The following DZANK1 variants were observed in gnomAD, a reference collection of about 807,000 sequenced individuals.
The protein encoded by DZANK1 is double zinc ribbon and ankyrin repeat-containing protein 1.
DZANK1 carries 91 observed loss-of-function variants against 94.5 expected under a neutral mutation model. The ratio of observed to expected loss-of-function variants is 0.96; its 90% CI spans 0.81 to 1.15. The LOEUF is 1.15. Among genes scored for constraint, DZANK1 ranks in the 50% most tolerant of loss-of-function variants. DZANK1 has a pLI of 0.00. For missense variants in DZANK1, 903 were observed against 916.4 expected (o/e 0.99, Z 0.19); for synonymous variants, 312 against 325.3 (o/e 0.96, Z 0.44).
At position 18,389,966 on chromosome 20, in the gene DZANK1, A is replaced by G. The variant is rs1023617804; in HGVS notation, c.1891-138T>C. ...TGCTTTCAGATCAAAGGAGAGGAGA[A>G]TCAGGAACCTCAAGACCTGATCTAC... On this transcript the variant is annotated intron_variant, in intron 18 of 20. Coordinates refer to ENST00000262547, the Ensembl canonical transcript of DZANK1. 2.2e-6 allele frequency: 3 copies of G among 1,356,584 alleles called. No individual in the cohort carries two copies. In the African/African-American group the frequency reaches 4.4e-5, roughly 20 times the overall value. 84.0% of individuals were successfully genotyped at this position (1,356,584 alleles called of 1,614,324 possible).
At chr20:18,425,321 G>A (rs951194433) in intron 10 of DZANK1, among the ~76,000 whole-genome samples, 7 of 152,190 alleles carry the variant, frequency 4.6e-5, no homozygotes, top group Non-Finnish European at 1.0e-4. Flanking sequence ...GTGGGGCCGA[G>A]TTGGGCGGAT....
chr20:18,409,840 C>A (rs142013110), intron 13 of DZANK1, among the ~76,000 whole-genome samples: 2 of 151,898 alleles, frequency 1.3e-5, no homozygotes, highest in Non-Finnish European at 2.9e-5. Context: ...GAGGCCAAGG[C>A]GGGTGGATCA....
intron 6 of DZANK1, among the ~76,000 whole-genome samples, 157 bp from the exon 7 acceptor site, chr20:18,449,226 A>C (rs2059004631): frequency 6.6e-6 from 1 of 152,164 alleles, no homozygotes; most frequent in African/African-American, 2.4e-5. Context: ...AAAAGTGGGA[A>C]GGGTGGGAAA....
rs529337438 is a variant in DZANK1 at position 18,464,562 on chromosome 20, G to T, written c.109+688C>A. On this transcript the variant is annotated intron_variant, in intron 2 of 20. Transcript: ENST00000262547. ...GGTCACTAGAAGTTGTCAAGGCAGGGATTAAGTCTCCAACCTGTCTGACTG... is the reference window on the plus strand; with the variant it reads ...GGTCACTAGAAGTTGTCAAGGCAGGTATTAAGTCTCCAACCTGTCTGACTG... 8.6e-5 allele frequency among the ~76,000 whole-genome samples: 13 copies of T among 151,916 alleles called. No individual in the cohort carries two copies. The South Asian group carries it at 2.7e-3, about 32-fold the overall frequency.
chr20:18,450,865 A>G (rs746903430), intron 6 of DZANK1, among the ~76,000 whole-genome samples: 12 of 152,196 alleles, frequency 7.9e-5, no homozygotes, highest in Non-Finnish European at 1.8e-4. Context: ...AAAGCACTAT[A>G]ATAGTATAGT....
chr20:18,433,694 A>AG lies in DZANK1; in HGVS notation c.818dup (p.Leu274SerfsTer37). On this transcript the variant is annotated frameshift_variant, in exon 9 of 21. Coordinates refer to ENST00000262547, the Ensembl canonical transcript of DZANK1. LOFTEE classifies it high-confidence loss of function. Reference sequence around the variant, plus strand: ...CCTGTGGCTGCAGCTGTAGAGCAAGAGGGGCCTCACACACCACACAGATGG... The same window carrying AG: ...CCTGTGGCTGCAGCTGTAGAGCAAGAGGGGGCCTCACACACCACACAGATGG... 1.9e-6 allele frequency: 3 copies of AG among 1,614,062 alleles called. No homozygotes were observed. The highest frequency in any genetic ancestry group is 2.5e-6 in the Non-Finnish European group (3 of 1,179,886).
At chr20:18,422,547 T>C (rs968158508) in intron 10 of DZANK1, among the ~76,000 whole-genome samples, 5 of 152,230 alleles carry the variant, frequency 3.3e-5, no homozygotes, top group African/African-American at 1.2e-4. Context: ...CTTTGTTTCA[T>C]GCACTATGTT....
Position 18,462,923 on chromosome 20 carries a change from G to A in DZANK1, c.109+2327C>T, listed in dbSNP as rs2059522204. 4.6e-5 allele frequency among the ~76,000 whole-genome samples: 5 copies of A among 108,586 alleles called. No homozygotes were observed. The Admixed American group carries it at 6.2e-4, about 14-fold the overall frequency. The allele number at this position is 108,586 out of a possible 152,430, so 71.2% of individuals were successfully genotyped here. On this transcript the variant is annotated intron_variant, in intron 2 of 20. Transcript: ENST00000262547. The stretch of plus-strand genomic sequence containing the variant: ...ACTGCACTCCAGCCTGGGTGACAAA[G>A]TAAGACTCGGTCTTAAAAAAAAAAA...
At chr20:18,455,562 C>A (rs1314005147) in intron 3 of DZANK1, among the ~76,000 whole-genome samples, 1 of 152,206 alleles carries the variant, frequency 6.6e-6, no homozygotes, top group Admixed American at 6.5e-5. Context: ...TAACAAACCA[C>A]CCCAAAGGTA....
chr20:18,464,855 TA>T (rs1466855469), intron 2 of DZANK1, among the ~76,000 whole-genome samples: 1 of 151,972 alleles, frequency 6.6e-6, no homozygotes, highest in Non-Finnish European at 1.5e-5. Flanking sequence ...TTTGTATTTT[TA>T]GTAAGACAGA....
intron 10 of DZANK1, among the ~76,000 whole-genome samples, chr20:18,425,423 T>A (rs1044010536): frequency 3.3e-5 from 5 of 151,916 alleles, no homozygotes; most frequent in Non-Finnish European, 5.9e-5. Flanking sequence ...TGATGGCATG[T>A]GCCTGTAATC....
intron 13 of DZANK1, among the ~76,000 whole-genome samples, chr20:18,402,882 T>C (rs1341046462): frequency 1.3e-5 from 2 of 152,204 alleles, no homozygotes; most frequent in Non-Finnish European, 2.9e-5. Context: ...TTTAGAGCCA[T>C]CTAGAAATGG....
intron 17 of DZANK1, among the ~76,000 whole-genome samples, chr20:18,392,665 A>T (rs1356916283): frequency 6.6e-6 from 1 of 152,268 alleles, no homozygotes; most frequent in Non-Finnish European, 1.5e-5. Context: ...TATTCTTGGC[A>T]TATATTTTTA....
chr20:18,441,794 T>C lies in DZANK1; in HGVS notation c.747+1553A>G, dbSNP rs2058723943. ...TGTTGGGAAGTCAGATACAGAGATG[T>C]GGCTGGAACTTGCTGGAAAGTTGCT... On this transcript the variant is annotated intron_variant, in intron 8 of 20. Coordinates refer to ENST00000262547, the Ensembl canonical transcript of DZANK1. The surrounding 1 kb of genome is among the most constrained non-coding windows in gnomAD (Gnocchi z 4.1). 6.6e-6 allele frequency among the ~76,000 whole-genome samples: 1 copy of C among 152,216 alleles called. No individual in the cohort carries two copies. Among genetic ancestry groups the C allele is most frequent in the East Asian group, 1.9e-4 (1 of 5,194 alleles).
intron 13 of DZANK1, among the ~76,000 whole-genome samples, chr20:18,411,784 A>C (rs377421004): frequency 4.6e-5 from 7 of 152,250 alleles, no homozygotes; most frequent in African/African-American, 1.7e-4. Flanking sequence ...TATAAAGAAC[A>C]GGAATTTATT....
chr20:18,396,283 C>T (rs575792467), intron 15 of DZANK1, among the ~76,000 whole-genome samples, 189 bp downstream of exon 15: 4 of 152,362 alleles, frequency 2.6e-5, no homozygotes, highest in African/African-American at 9.6e-5. Flanking sequence ...CCTGTTCTCA[C>T]TATATCTTCA....
intron 1 of DZANK1, among the ~76,000 whole-genome samples, chr20:18,466,069 G>A (rs538355609): frequency 2.7e-4 from 41 of 152,292 alleles, no homozygotes; most frequent in African/African-American, 9.1e-4. Flanking sequence ...CTTTTTGGAG[G>A]TGAGGGTGGG....
intron 6 of DZANK1, 95 bp from the exon 7 acceptor site, chr20:18,449,164 T>C (rs909113002): frequency 2.0e-6 from 2 of 996,278 alleles, no homozygotes; most frequent in African/African-American, 1.6e-5. Flanking sequence ...AAAATCATTA[T>C]GGGTGAATAC....
intron 15 of DZANK1, chr20:18,394,992 G>C: frequency 4.9e-6 from 2 of 407,888 alleles, no homozygotes; most frequent in South Asian, 3.6e-5. Flanking sequence ...GCACCCTCAC[G>C]TGGCTGCCTG....
Sources: allele counts gnomAD v4.1 joint callset (sites outside exome capture counted in the v4.1 genomes callset), GRCh38; gene constraint gnomAD v4.1.1; non-coding constraint Gnocchi (gnomAD v3.1); transcripts MANE v1.5; gene names NCBI Gene and HGNC (gene_info 2026-07-23, HGNC 2026-07-21).